AR: variants seen among roughly 807,000 people sequenced by gnomAD.
The protein encoded by AR is dihydrotestosterone receptor.
A neutral mutation model predicts 53.9 loss-of-function variants in AR; 8 were observed. The ratio of observed to expected loss-of-function variants is 0.15; its 90% confidence interval spans 0.09 to 0.27. The LOEUF (loss-of-function observed/expected upper bound fraction) is 0.27. Among genes scored for constraint, AR ranks in the 10% least tolerant of loss-of-function variants. AR has a pLI of 1.00. For synonymous variants in AR, 359 were observed against 316.4 expected, an observed-to-expected ratio of 1.13 and a Z score of -1.43; for missense variants, 639 against 742.5, an observed-to-expected ratio of 0.86 and a Z score of 1.62.
chrX:67,575,789 A>G (rs985894728), intron 1 of AR, among the ~76,000 whole-genome samples: 1 of 111,572 alleles, frequency 9.0e-6, no homozygotes, highest in African/African-American at 3.3e-5. Flanking sequence ...TTTACCTCTT[A>G]TATTTGAGGT....
chrX:67,619,929 T>C (rs1032296794), intron 1 of AR, among the ~76,000 whole-genome samples: 1 of 110,833 alleles, frequency 9.0e-6, no homozygotes, highest in Non-Finnish European at 1.9e-5. Flanking sequence ...ATACCTTGCC[T>C]TGTTTTGCCT....
At chrX:67,588,145 C>T (rs1230182316) in intron 1 of AR, among the ~76,000 whole-genome samples, 1 of 111,507 alleles carries the variant, frequency 9.0e-6, no homozygotes, top group East Asian at 2.8e-4. Context: ...TCTTTGCACA[C>T]ACTCCATATG....
intron 2 of AR, 125 bp from the exon 3 acceptor site, chrX:67,685,885 A>G (rs2075963610): frequency 3.9e-6 from 4 of 1,022,621 alleles, no homozygotes; most frequent in African/African-American, 3.8e-5. Flanking sequence ...TTGGTGCCAT[A>G]CTCTGTCCAC....
In AR at chrX:67,545,357, CAGCAGCAG is replaced by C; in HGVS notation, c.212_219del (p.Gln71ProfsTer10). On this transcript the variant is annotated frameshift_variant, in exon 1 of 8. Coordinates refer to ENST00000374690, the MANE Select transcript of AR (RefSeq NM_000044.6). LOFTEE classifies it high-confidence loss of function. ...GCAGCAGCAGCAGCAGCAGCAGCAG[CAGCAGCAG>C]CAGCAGCAGCAGCAGCAGCAAGAGA... The C allele has an allele frequency of 8.5e-7, 1 of 1,182,529 alleles. No individual in the cohort carries two copies.
At chrX:67,630,016 T>C (rs1406712073) in intron 1 of AR, among the ~76,000 whole-genome samples, 1 of 111,422 alleles carries the variant, frequency 9.0e-6, no homozygotes. Context: ...TTTGTTATAA[T>C]TTCTGTTCTT....
chrX:67,655,522 C>CA lies in AR; in HGVS notation c.1768+12123dup, dbSNP rs759761279. Among the ~76,000 whole-genome samples the CA allele has an allele frequency of 2.1e-4, 23 of 109,653 alleles. No homozygotes were observed. In the South Asian group the frequency reaches 2.3e-3, roughly 11 times the overall value. ...TGGGAGCAGAGATAGATATAGGAAACAAAAAAAAGGGATATGGAGGTATAG... is the reference window on the plus strand; with the variant it reads ...TGGGAGCAGAGATAGATATAGGAAACAAAAAAAAAGGGATATGGAGGTATAG... On this transcript the variant is annotated intron_variant, in intron 2 of 7. Transcript: ENST00000374690.
intron 1 of AR, among the ~76,000 whole-genome samples, chrX:67,589,623 A>G (rs1435444441): frequency 8.9e-6 from 1 of 111,918 alleles, no homozygotes; most frequent in East Asian, 2.8e-4. Context: ...AGTAAACCTG[A>G]TTGAGCTTTC....
chrX:67,704,389 A>G (rs2076056233), intron 3 of AR, among the ~76,000 whole-genome samples: 2 of 112,286 alleles, frequency 1.8e-5, no homozygotes. Context: ...CATTTCTCTG[A>G]TGGCCAGTGA....
intron 2 of AR, among the ~76,000 whole-genome samples, chrX:67,653,349 T>A (rs951985183): frequency 7.1e-5 from 8 of 111,901 alleles, no homozygotes; most frequent in Non-Finnish European, 1.1e-4. Flanking sequence ...ATTACTGCTG[T>A]ACTAAAAGTA....
At chrX:67,681,375 G>T (rs1602251633) in intron 2 of AR, among the ~76,000 whole-genome samples, 1 of 111,415 alleles carries the variant, frequency 9.0e-6, no homozygotes, top group African/African-American at 3.3e-5. Context: ...TACAGAGAAG[G>T]GATCCACAAG....
chrX:67,721,688 C>G, intron 5 of AR, 145 bp from the exon 6 acceptor site: 1 of 822,653 alleles, frequency 1.2e-6, no homozygotes, highest in South Asian at 2.3e-5. Flanking sequence ...ACAAAAAAAC[C>G]TTTTCCTGGT....
At chrX:67,574,816 G>C (rs1006398258) in intron 1 of AR, among the ~76,000 whole-genome samples, 1 of 111,361 alleles carries the variant, frequency 9.0e-6, no homozygotes, top group African/African-American at 3.3e-5. Context: ...GAAGAAATTA[G>C]CCTGAGGCCA....
At chrX:67,720,200 C>G (rs1213760114) in intron 5 of AR, among the ~76,000 whole-genome samples, 1 of 111,321 alleles carries the variant, frequency 9.0e-6, no homozygotes, top group African/African-American at 3.3e-5. Context: ...CAACCTTGTT[C>G]TCTTCCTAAA....
rs1305644961 is a variant in AR at position 67,544,777 on chromosome X, G to A, written c.-370G>A. The A allele has an allele frequency of 5.2e-6, 1 of 192,871 alleles. No homozygotes were observed. The highest frequency in any genetic ancestry group is 9.6e-6 in the Non-Finnish European group (1 of 103,868). The allele number at this position is 192,871 out of a possible 1,213,427, so 15.9% of individuals were successfully genotyped here. ...CAAAAACAAAAAAGCCGAAATAAAA[G>A]AAAAAGATAATAACTCAGTTCTTAT... On this transcript the variant is annotated 5_prime_UTR_variant, in exon 1 of 8. Coordinates refer to ENST00000374690, the MANE Select transcript of AR (RefSeq NM_000044.6).
At chrX:67,566,338 G>A (rs1416555194) in intron 1 of AR, among the ~76,000 whole-genome samples, 2 of 111,921 alleles carry the variant, frequency 1.8e-5, no homozygotes, top group East Asian at 5.6e-4. Flanking sequence ...CATCTCAGTA[G>A]TAAACATATG....
chrX:67,548,230 A>G (rs1929848793), intron 1 of AR, among the ~76,000 whole-genome samples: 1 of 111,784 alleles, frequency 8.9e-6, no homozygotes, highest in African/African-American at 3.3e-5. Context: ...AAGAAAGAGG[A>G]GGGTAGGATT....
intron 1 of AR, among the ~76,000 whole-genome samples, chrX:67,546,970 T>G (rs1490963405): frequency 9.1e-6 from 1 of 110,411 alleles, no homozygotes; most frequent in Non-Finnish European, 1.9e-5. Flanking sequence ...CCCTGGGTGC[T>G]GATTCCTGCC....
chrX:67,695,284 G>T, intron 3 of AR: 1 of 754,203 alleles, frequency 1.3e-6, no homozygotes, highest in Non-Finnish European at 1.6e-6. Flanking sequence ...CTAGATCTTA[G>T]CCTCAGGCCC....
chrX:67,669,448 T>C (rs1232751377), intron 2 of AR, among the ~76,000 whole-genome samples: 1 of 111,648 alleles, frequency 9.0e-6, no homozygotes, highest in Non-Finnish European at 1.9e-5. Flanking sequence ...TTAAAACTTG[T>C]TTTGTGACCT....
Sources: gnomAD v4.1 joint callset for allele counts (sites outside exome capture counted in the v4.1 genomes callset) on GRCh38, gnomAD v4.1.1 for gene constraint, MANE v1.5 for transcripts, NCBI Gene and HGNC (gene_info 2026-07-23, HGNC 2026-07-21) for gene names.